CIDEA: variants seen among roughly 807,000 people sequenced by gnomAD.
The protein encoded by CIDEA is lipid transferase CIDEA.
CIDEA carries 10 observed loss-of-function variants against 18.2 expected under a neutral mutation model. The observed-to-expected ratio is 0.55, with a 90% CI of 0.34 to 0.93. The LOEUF is 0.93. CIDEA is among the 40% of genes least tolerant of loss of function. The pLI, the probability that CIDEA is intolerant of heterozygous loss-of-function variation, is 0.02. For missense variants in CIDEA, 309 were observed against 293.1 expected, an observed-to-expected ratio of 1.05 and a Z score of -0.40; for synonymous variants, 128 against 124.8, an observed-to-expected ratio of 1.03 and a Z score of -0.17.
At chr18:12,276,396 G>A (rs1044409766) in intron 4 of CIDEA, among the ~76,000 whole-genome samples, 1 of 152,028 alleles carries the variant, frequency 6.6e-6, no homozygotes, top group African/African-American at 2.4e-5. Flanking sequence ...GGACTCAAGC[G>A]ATCCTCCCAC....
intron 1 of CIDEA, among the ~76,000 whole-genome samples, chr18:12,257,143 C>G (rs368322548): frequency 4.2e-4 from 64 of 152,274 alleles, no homozygotes; most frequent in African/African-American, 1.5e-3. Flanking sequence ...TCCTTCTCTG[C>G]GTGGCTGTGC....
At chr18:12,263,085 C>T (rs562603654) in intron 2 of CIDEA, 116 bp downstream of exon 2, 32 of 1,048,890 alleles carry the variant, frequency 3.1e-5, no homozygotes, top group Non-Finnish European at 4.0e-5. Flanking sequence ...AAAGCAGCAT[C>T]TCACTGGGGG....
In CIDEA at chr18:12,256,769, CA is replaced by C. The variant is rs556275983; in HGVS notation, c.38+2350del. On this transcript the variant is annotated intron_variant, in intron 1 of 4. Transcript: ENST00000320477. Reference sequence around the variant, plus strand: ...CATTAGTAAGGAATTAAGTATGCTACAAGTCAATCTCTCAGCTTTCTGCTTC... The same window carrying C: ...CATTAGTAAGGAATTAAGTATGCTACAGTCAATCTCTCAGCTTTCTGCTTC... Among the ~76,000 whole-genome samples, 302 of 152,320 alleles carry C rather than the reference CA, an allele frequency of 2.0e-3. 1 individual carries two copies. The highest frequency in any genetic ancestry group is 2.9e-3 in the Non-Finnish European group (198 of 68,028).
intron 4 of CIDEA, among the ~76,000 whole-genome samples, chr18:12,275,551 T>G (rs190156389): frequency 6.6e-6 from 1 of 152,176 alleles, no homozygotes; most frequent in Non-Finnish European, 1.5e-5. Context: ...TTGCAGCTGC[T>G]GCCATTCCAG....
chr18:12,262,538 C>T (rs930539523), intron 1 of CIDEA, among the ~76,000 whole-genome samples: 1 of 152,136 alleles, frequency 6.6e-6, no homozygotes, highest in South Asian at 2.1e-4. Flanking sequence ...ATTCTTATTT[C>T]TTGTTTGAGT....
intron 4 of CIDEA, among the ~76,000 whole-genome samples, chr18:12,275,632 C>T (rs952077551): frequency 4.6e-5 from 7 of 152,188 alleles, no homozygotes; most frequent in African/African-American, 1.7e-4. Context: ...TCCCCCGTGG[C>T]CTTGACAACT....
At chr18:12,268,230 A>ATTTTTTTTTTTT (rs1285349657) in intron 3 of CIDEA, among the ~76,000 whole-genome samples, 1 of 114,666 alleles carries the variant, frequency 8.7e-6, no homozygotes, top group Non-Finnish European at 1.7e-5. Context: ...ATGCCCGGCC[A>ATTTTTTTTTTTT]TTTTTTTTTT....
chr18:12,273,919 C>T (rs550431254), intron 3 of CIDEA, among the ~76,000 whole-genome samples, 174 bp from the exon 4 acceptor site: 3 of 152,258 alleles, frequency 2.0e-5, no homozygotes, highest in East Asian at 1.9e-4. Flanking sequence ...TGGACACAGT[C>T]GTAGTGTGTG....
chr18:12,261,226 T>A (rs1309518196), intron 1 of CIDEA, among the ~76,000 whole-genome samples: 1 of 152,054 alleles, frequency 6.6e-6, no homozygotes, highest in African/African-American at 2.4e-5. Flanking sequence ...CTACTAAATA[T>A]ACAAAAAATT....
intron 3 of CIDEA, among the ~76,000 whole-genome samples, chr18:12,269,938 T>C (rs188908193): frequency 6.6e-6 from 1 of 152,150 alleles, no homozygotes; most frequent in South Asian, 2.1e-4. Context: ...GCTCAAGTGA[T>C]CCACCTGCCT....
At chr18:12,259,729 C>T (rs1598774451) in intron 1 of CIDEA, among the ~76,000 whole-genome samples, 2 of 151,990 alleles carry the variant, frequency 1.3e-5, no homozygotes, top group East Asian at 1.9e-4. Flanking sequence ...GGCATGGTAG[C>T]GGGCGCCTGT....
At position 12,262,957 on chromosome 18, in the gene CIDEA, G is replaced by A. The variant is rs139994274; in HGVS notation, c.171G>A (p.Glu57=). The change falls in exon 2 of 5, where the codon GAG becomes GAA. Residue 57 remains glutamate (E), a synonymous_variant. Transcript: ENST00000320477. ...RRGVMASSLQ[E]LISKTLDALV... is the part of the protein sequence containing the mutation. ...GGGTGATGGCAAGCAGCCTGCAGGA[G>A]CTCATCAGCAAGGTGCCCCACATCC... is the stretch of plus-strand genomic sequence containing the variant. 2.9e-5 allele frequency: 47 copies of A among 1,614,002 alleles called. No individual in the cohort carries two copies. In the African/African-American group the frequency reaches 6.3e-4, roughly 22 times the overall value.
intron 1 of CIDEA, among the ~76,000 whole-genome samples, chr18:12,259,195 C>CG (rs1197734157): frequency 1.3e-5 from 2 of 152,206 alleles, no homozygotes; most frequent in Non-Finnish European, 2.9e-5. Context: ...GGAGCCCCAA[C>CG]CCAGCACATT....
intron 3 of CIDEA, among the ~76,000 whole-genome samples, chr18:12,267,839 G>T (rs923316427): frequency 6.6e-6 from 1 of 152,028 alleles, no homozygotes; most frequent in Non-Finnish European, 1.5e-5. Context: ...GAGGTTCTGA[G>T]CTGCAGAGAC....
intron 3 of CIDEA, among the ~76,000 whole-genome samples, chr18:12,270,282 C>CATATATTATACATATACAT (rs1912475546): frequency 6.6e-6 from 1 of 151,936 alleles, no homozygotes; most frequent in African/African-American, 2.4e-5. Flanking sequence ...CTTACTTCTA[C>CATATATTATACATATACAT]ATATATTATA....
intron 3 of CIDEA, among the ~76,000 whole-genome samples, chr18:12,269,426 G>A (rs1356686388): frequency 6.6e-6 from 1 of 152,294 alleles, no homozygotes; most frequent in East Asian, 1.9e-4. Flanking sequence ...TCAGAATAGT[G>A]AGTTGAGGTG....
intron 3 of CIDEA, among the ~76,000 whole-genome samples, chr18:12,272,165 G>GGGGGT (rs1912563131): frequency 1.7e-4 from 2 of 11,710 alleles, no homozygotes; most frequent in African/African-American, 1.4e-4. Context: ...GGGGGGGTTG[G>GGGGGT]GGGGGGGTTG....
At chr18:12,272,275 C>T (rs565910918) in intron 3 of CIDEA, among the ~76,000 whole-genome samples, 4 of 151,882 alleles carry the variant, frequency 2.6e-5, no homozygotes, top group East Asian at 3.9e-4. Context: ...TGCAGTGGCG[C>T]GATCTCGGCT....
chr18:12,273,169 G>A (rs949296423), intron 3 of CIDEA, among the ~76,000 whole-genome samples: 4 of 152,200 alleles, frequency 2.6e-5, no homozygotes, highest in African/African-American at 9.7e-5. Flanking sequence ...GCTGGCCACG[G>A]CGAGGAGGGT....
Sources: allele counts gnomAD v4.1 joint callset (sites outside exome capture counted in the v4.1 genomes callset), GRCh38; gene constraint gnomAD v4.1.1; transcripts MANE v1.5; gene names NCBI Gene and HGNC (gene_info 2026-07-23, HGNC 2026-07-21).